The following RNF220 variants were observed in gnomAD, a reference collection of about 807,000 sequenced individuals.
The protein encoded by RNF220 is E3 ubiquitin-protein ligase RNF220.
A neutral mutation model predicts 67.1 loss-of-function variants in RNF220; 7 were observed. That is an observed-to-expected ratio of 0.10 (90% CI 0.06 to 0.20). RNF220 has a LOEUF of 0.20. RNF220 is among the 10% of genes least tolerant of loss of function. The probability of loss-of-function intolerance (pLI) is 1.00; values close to 1 mark genes in which losing one functional copy is unlikely to be tolerated. For synonymous variants in RNF220, 270 were observed against 283.2 expected (o/e 0.95, Z 0.47); for missense variants, 565 against 740.3 (o/e 0.76, Z 2.75).
At chr1:44,474,276 G>A (rs112988966) in intron 2 of RNF220, among the ~76,000 whole-genome samples, 1 of 151,838 alleles carries the variant, frequency 6.6e-6, no homozygotes. Context: ...TTGGGAGGCT[G>A]AGGCAGGAGA....
intron 4 of RNF220, 27 bp from the exon 5 acceptor site, chr1:44,626,270 G>A (rs922703176): frequency 5.7e-6 from 9 of 1,585,122 alleles, no homozygotes; most frequent in Non-Finnish European, 6.1e-6. Context: ...TTTGGCCTGA[G>A]GCCACATGTC....
chr1:44,595,965 C>T (rs1416481482), intron 2 of RNF220, among the ~76,000 whole-genome samples: 2 of 152,014 alleles, frequency 1.3e-5, no homozygotes, highest in East Asian at 1.9e-4. Context: ...GGGGTTTTGC[C>T]GTGTTAGCCA....
At chr1:44,568,775 G>T (rs1200620674) in intron 2 of RNF220, among the ~76,000 whole-genome samples, 1 of 152,200 alleles carries the variant, frequency 6.6e-6, no homozygotes, top group East Asian at 1.9e-4. Flanking sequence ...CCAACATGTT[G>T]TGTAGCTTAG....
chr1:44,604,670 T>C (rs270740), intron 2 of RNF220, among the ~76,000 whole-genome samples: 111,850 of 152,236 alleles, frequency 0.73, 42,117 homozygotes, highest in Middle Eastern at 0.83. Context: ...ATAGACTGAC[T>C]TCACCTGGCT....
chr1:44,482,119 A>G (rs1025766030), intron 2 of RNF220, among the ~76,000 whole-genome samples: 14 of 152,208 alleles, frequency 9.2e-5, no homozygotes, highest in African/African-American at 3.4e-4. Flanking sequence ...AGAAAACAGA[A>G]GCTTAAAAGG....
chr1:44,430,552 T>A (rs1271937813), intron 2 of RNF220, among the ~76,000 whole-genome samples: 1 of 152,196 alleles, frequency 6.6e-6, no homozygotes, highest in Non-Finnish European at 1.5e-5. Context: ...TTATTTTTAT[T>A]TTTTATTTTC....
intron 2 of RNF220, among the ~76,000 whole-genome samples, chr1:44,543,195 C>T (rs928629117): frequency 6.6e-6 from 1 of 152,132 alleles, no homozygotes; most frequent in Non-Finnish European, 1.5e-5. Flanking sequence ...GCAGAGACCT[C>T]CCCGTCAGAC....
At chr1:44,551,724 G>T (rs1206410192) in intron 2 of RNF220, among the ~76,000 whole-genome samples, 2 of 152,028 alleles carry the variant, frequency 1.3e-5, no homozygotes, top group African/African-American at 4.8e-5. Flanking sequence ...ACCTCCCATT[G>T]GTCTCCCCAC....
intron 3 of RNF220, among the ~76,000 whole-genome samples, chr1:44,615,691 G>A (rs1443683831): frequency 1.3e-5 from 2 of 152,156 alleles, no homozygotes; most frequent in African/African-American, 4.8e-5. Context: ...CTGGAGCTTG[G>A]GGGTATCAAG....
intron 2 of RNF220, chr1:44,423,735 A>T: frequency 1.9e-6 from 1 of 529,650 alleles, no homozygotes; most frequent in Non-Finnish European, 2.4e-6. Context: ...GGCCTAGAGT[A>T]CTCGCTTGGC....
At chr1:44,432,738 C>G (rs539564246) in intron 2 of RNF220, among the ~76,000 whole-genome samples, 2 of 152,086 alleles carry the variant, frequency 1.3e-5, no homozygotes, top group African/African-American at 4.8e-5. Context: ...CACCACAAAA[C>G]GCTCTGGTCT....
chr1:44,573,573 T>C (rs900281918), intron 2 of RNF220, among the ~76,000 whole-genome samples: 2 of 152,164 alleles, frequency 1.3e-5, no homozygotes, highest in African/African-American at 4.8e-5. Context: ...TCATATCAGA[T>C]AGCATGAGTT....
chr1:44,629,757 G>A (rs1191857379), intron 5 of RNF220, among the ~76,000 whole-genome samples: 1 of 152,218 alleles, frequency 6.6e-6, no homozygotes, highest in Non-Finnish European at 1.5e-5. Flanking sequence ...ATCAGAGTAA[G>A]CTTCACACAG....
At chr1:44,450,034 A>T (rs921823468) in intron 2 of RNF220, among the ~76,000 whole-genome samples, 16 of 152,114 alleles carry the variant, frequency 1.1e-4, no homozygotes, top group African/African-American at 3.9e-4. Flanking sequence ...CAACAGAGAG[A>T]CCCTGTCTCT....
chr1:44,632,195 G>C (rs766650067), intron 5 of RNF220, 148 bp from the exon 6 acceptor site: 1 of 1,590,584 alleles, frequency 6.3e-7, no homozygotes, highest in African/African-American at 1.3e-5. Context: ...AGAGGGGCCG[G>C]CGGGAGGGAG....
At chr1:44,487,920 C>T (rs1025895510) in intron 2 of RNF220, among the ~76,000 whole-genome samples, 3 of 150,934 alleles carry the variant, frequency 2.0e-5, no homozygotes, top group Admixed American at 6.6e-5. Context: ...AAACTAGGGA[C>T]CTGCTCACTT....
chr1:44,543,148 G>A (rs1466621082), intron 2 of RNF220, among the ~76,000 whole-genome samples: 3 of 152,102 alleles, frequency 2.0e-5, no homozygotes, highest in African/African-American at 7.2e-5. Context: ...CGGAGGGATG[G>A]TTCTGAGCCA....
At chr1:44,585,444 T>C (rs1558066777) in intron 2 of RNF220, among the ~76,000 whole-genome samples, 1 of 152,250 alleles carries the variant, frequency 6.6e-6, no homozygotes, top group Non-Finnish European at 1.5e-5. Context: ...GACATCTGTC[T>C]GCACTGCTTC....
At chr1:44,608,650 T>C (rs1386557007) in intron 2 of RNF220, among the ~76,000 whole-genome samples, 2 of 152,218 alleles carry the variant, frequency 1.3e-5, no homozygotes, top group Non-Finnish European at 2.9e-5. Flanking sequence ...TGATAGACAG[T>C]TGTTGTTATT....
Sources: gnomAD v4.1 joint callset for allele counts (sites outside exome capture counted in the v4.1 genomes callset) on GRCh38, gnomAD v4.1.1 for gene constraint, MANE v1.5 for transcripts, NCBI Gene and HGNC (gene_info 2026-07-23, HGNC 2026-07-21) for gene names.